HS6ST2: variants seen among roughly 807,000 people sequenced by gnomAD.
The protein encoded by HS6ST2 is heparan sulfate 6-O-sulfotransferase 2, also known as heparan-sulfate 6-O-sulfotransferase 2.
Under a neutral mutation model 33.0 loss-of-function variants are expected in HS6ST2, and 17 were observed. The ratio of observed to expected loss-of-function variants is 0.52; its 90% CI spans 0.35 to 0.77. HS6ST2 has a LOEUF of 0.77. Ranked by LOEUF, HS6ST2 falls within the 30% of genes least tolerant of loss-of-function variation. The pLI is 0.01. For synonymous variants in HS6ST2, 248 were observed against 237.1 expected (o/e 1.05, Z -0.42); for missense variants, 519 against 551.7 (o/e 0.94, Z 0.59).
intron 2 of HS6ST2, among the ~76,000 whole-genome samples, chrX:132,829,025 C>T (rs940556979): frequency 3.9e-5 from 4 of 102,643 alleles, no homozygotes; most frequent in African/African-American, 1.1e-4. Flanking sequence ...AATAGTCTAT[C>T]GAGTAGATTC....
At chrX:132,898,315 T>G (rs762317870) in intron 2 of HS6ST2, among the ~76,000 whole-genome samples, 3 of 106,746 alleles carry the variant, frequency 2.8e-5, no homozygotes, top group Non-Finnish European at 5.8e-5. Context: ...TTCTAGATGC[T>G]TCTACTAACT....
intron 2 of HS6ST2, among the ~76,000 whole-genome samples, chrX:132,713,622 T>C (rs2064250599): frequency 8.9e-6 from 1 of 111,889 alleles, no homozygotes; most frequent in Non-Finnish European, 1.9e-5. Context: ...GCATACCTCA[T>C]GAGAGGGAGC....
At chrX:132,804,448 T>A (rs1056635415) in intron 2 of HS6ST2, among the ~76,000 whole-genome samples, 2 of 111,767 alleles carry the variant, frequency 1.8e-5, no homozygotes, top group African/African-American at 6.5e-5. Flanking sequence ...GTTGCTATAC[T>A]ACATGGTGTC....
chrX:132,728,622 G>A (rs997627185), intron 2 of HS6ST2, among the ~76,000 whole-genome samples: 1 of 112,182 alleles, frequency 8.9e-6, no homozygotes, highest in African/African-American at 3.2e-5. Context: ...TAAGAGCCAA[G>A]CCTAGGAAAA....
intron 2 of HS6ST2, among the ~76,000 whole-genome samples, chrX:132,725,796 T>G (rs1040574022): frequency 9.0e-6 from 1 of 111,318 alleles, no homozygotes; most frequent in Non-Finnish European, 1.9e-5. Flanking sequence ...ATAAAGAAAA[T>G]GTGGTACTTA....
intron 2 of HS6ST2, among the ~76,000 whole-genome samples, chrX:132,724,065 G>A (rs899987158): frequency 1.1e-4 from 12 of 111,880 alleles, no homozygotes; most frequent in African/African-American, 3.9e-4. Flanking sequence ...GCGTGAACCT[G>A]GGATCACGCG....
intron 2 of HS6ST2, among the ~76,000 whole-genome samples, chrX:132,955,421 C>T (rs887288418): frequency 8.9e-6 from 1 of 112,265 alleles, no homozygotes; most frequent in Admixed American, 9.4e-5. Context: ...GGGTGATGTT[C>T]CCCTTAAATC....
chrX:132,958,469 G>C lies in HS6ST2; in HGVS notation c.134C>G (p.Ser45Trp), dbSNP rs756162257. 2 of 1,197,127 alleles carry C rather than the reference G, an allele frequency of 1.7e-6. No homozygotes were observed. Among genetic ancestry groups the C allele is most frequent in the East Asian group, 3.0e-5 (1 of 33,245 alleles). Residue 45 changes from serine to tryptophan, a missense_variant, in exon 1 of 5, where the codon TCG (serine) becomes TGG (tryptophan). By Grantham distance (177) the Ser-to-Trp change is radical. Transcript: ENST00000370833. ...EAELAASRPG[S>W]VAASVRAGPP... is the part of the protein sequence containing the mutation. ...GCCCGCGCGAACTGAGGCGGCGACC[G>C]ACCCGGGCCGGCTCGCTGCCAATTC...
At chrX:132,736,433 T>C (rs1045918529) in intron 2 of HS6ST2, among the ~76,000 whole-genome samples, 3 of 112,022 alleles carry the variant, frequency 2.7e-5, no homozygotes, top group Non-Finnish European at 3.8e-5. Context: ...TTAACGTCTT[T>C]TAAGTACTCT....
chrX:132,825,661 C>CA (rs949642161), intron 2 of HS6ST2, among the ~76,000 whole-genome samples: 3 of 111,555 alleles, frequency 2.7e-5, no homozygotes, highest in African/African-American at 9.8e-5. Flanking sequence ...TATTCAGTGA[C>CA]AAAAAAATGC....
intron 2 of HS6ST2, among the ~76,000 whole-genome samples, chrX:132,927,104 C>T (rs1034749292): frequency 2.7e-5 from 3 of 111,427 alleles, no homozygotes; most frequent in Non-Finnish European, 5.7e-5. Context: ...CTTCTCCAGT[C>T]TTCTCAAGGC....
chrX:132,843,524 G>T (rs1263975138), intron 2 of HS6ST2, among the ~76,000 whole-genome samples: 1 of 111,689 alleles, frequency 9.0e-6, no homozygotes, highest in Admixed American at 9.5e-5. Context: ...AAAAAAGTGG[G>T]TATAAATAGA....
At chrX:132,830,300 G>A (rs751657258) in intron 2 of HS6ST2, among the ~76,000 whole-genome samples, 3 of 111,765 alleles carry the variant, frequency 2.7e-5, no homozygotes, top group South Asian at 7.5e-4. Context: ...ATGATAAAAC[G>A]CAAACCTAAA....
At chrX:132,925,868 C>T (rs773068034) in intron 2 of HS6ST2, among the ~76,000 whole-genome samples, 4 of 111,746 alleles carry the variant, frequency 3.6e-5, no homozygotes, top group Non-Finnish European at 7.5e-5. Context: ...CACTTACATA[C>T]AGTATTTGGG....
intron 3 of HS6ST2, among the ~76,000 whole-genome samples, chrX:132,674,131 AT>A (rs1299248254): frequency 1.8e-5 from 2 of 111,610 alleles, no homozygotes; most frequent in Non-Finnish European, 3.8e-5. Context: ...AGTTCAGTTC[AT>A]TGAGATGTGC....
chrX:132,764,434 C>T (rs1482600734), intron 2 of HS6ST2, among the ~76,000 whole-genome samples: 2 of 112,150 alleles, frequency 1.8e-5, no homozygotes, highest in African/African-American at 3.2e-5. Flanking sequence ...TTATTCTAGA[C>T]GATTCCTAAA....
At chrX:132,636,812 C>T (rs1270114523) in intron 4 of HS6ST2, among the ~76,000 whole-genome samples, 2 of 112,220 alleles carry the variant, frequency 1.8e-5, no homozygotes, top group African/African-American at 6.5e-5. Context: ...GAAGGGTAAA[C>T]ATTTGGCTGC....
At chrX:132,899,660 G>A (rs1347530879) in intron 2 of HS6ST2, among the ~76,000 whole-genome samples, 1 of 111,333 alleles carries the variant, frequency 9.0e-6, no homozygotes, top group Non-Finnish European at 1.9e-5. Flanking sequence ...ACACCACAGG[G>A]TTCAATGAAG....
At chrX:132,905,288 G>C (rs1356596023) in intron 2 of HS6ST2, among the ~76,000 whole-genome samples, 2 of 112,102 alleles carry the variant, frequency 1.8e-5, no homozygotes, top group Admixed American at 1.9e-4. Context: ...GCTTGTTGAA[G>C]AAGTTATTTT....
Sources: allele counts gnomAD v4.1 joint callset (sites outside exome capture counted in the v4.1 genomes callset), GRCh38; gene constraint gnomAD v4.1.1; transcripts MANE v1.5; gene names NCBI Gene and HGNC (gene_info 2026-07-23, HGNC 2026-07-21).